GUCY2D: variants seen among roughly 807,000 people sequenced by gnomAD.
The protein encoded by GUCY2D is guanylate cyclase 2D, retinal, also known as retinal guanylyl cyclase 1.
A neutral mutation model predicts 101.3 loss-of-function variants in GUCY2D; 70 were observed. That is an observed-to-expected ratio of 0.69 (90% CI 0.57 to 0.84). The LOEUF is 0.84. Ranked by LOEUF, GUCY2D falls within the 40% of genes least tolerant of loss-of-function variation. GUCY2D has a pLI of 0.00. For missense variants in GUCY2D, 1,460 were observed against 1,542.5 expected (o/e 0.95, Z 0.90); for synonymous variants, 688 against 670.7 (o/e 1.03, Z -0.40).
At chr17:8,012,896 G>T (rs1975884105) in intron 10 of GUCY2D, among the ~76,000 whole-genome samples, 1 of 152,174 alleles carries the variant, frequency 6.6e-6, no homozygotes, top group African/African-American at 2.4e-5. Context: ...GCCTTCCCTG[G>T]GCACCACCTT....
chr17:8,008,942 A>C (rs1975796628), intron 7 of GUCY2D, among the ~76,000 whole-genome samples: 1 of 152,248 alleles, frequency 6.6e-6, no homozygotes, highest in Non-Finnish European at 1.5e-5. Context: ...ATCCAGGGCA[A>C]GATAGAAATG....
rs1241660703 is a variant in GUCY2D, at chr17:8,003,541, T to TGACCCCCGCCGC, written c.496_507dup (p.Thr166_Ala169dup). 1.9e-6 allele frequency: 3 copies of TGACCCCCGCCGC among 1,552,118 alleles called. No individual in the cohort carries two copies. The highest frequency in any genetic ancestry group is 1.7e-6 in the Non-Finnish European group (2 of 1,156,576). On this transcript the variant is annotated inframe_insertion, in exon 2 of 20. Transcript: ENST00000254854. ...GCGGAGGGCACCACGGCCCCTGCCG[T>TGACCCCCGCCGC]GACCCCCGCCGCGGATGCCCTCTAC...
chr17:8,003,402 G>A lies in GUCY2D; in HGVS notation c.355G>A (p.Ala119Thr). Residue 119 changes from alanine (A) to threonine (T), a missense_variant, in exon 2 of 20, where the codon GCC becomes ACC. Around this residue, in one of 3 missense-constraint regions of GUCY2D, gnomAD observed 1,196 missense variants for 1,229.6 expected, o/e 0.97. Coordinates refer to ENST00000254854, the MANE Select transcript of GUCY2D (RefSeq NM_000180.4). ...GCTGGGGGCCGTGTCCTCCGCGCTG[G>A]CCCGCGTGTCGGGCCTCGTGGGTCC... Reference protein sequence around the residue: ...GSLGAVSSALARVSGLVGPVN... With the variant: ...GSLGAVSSALTRVSGLVGPVN... The A allele has an allele frequency of 6.7e-7, 1 of 1,493,544 alleles. No individual in the cohort carries two copies. 92.5% of individuals were successfully genotyped at this position (1,493,544 alleles called of 1,614,324 possible). A position where few individuals can be genotyped will look rare whatever the true frequency, so the allele number is the denominator to read the frequency against.
At position 8,015,436 on chromosome 17, in the gene GUCY2D, G is replaced by A. The variant is rs781010216; in HGVS notation, c.2878G>A (p.Val960Met). Reference sequence around the variant, plus strand: ...CATGTCACTGGACATCCTCAGTGCCGTGGGCACTTTCCGCATGCGCCATAT... The same window carrying A: ...CATGTCACTGGACATCCTCAGTGCCATGGGCACTTTCCGCATGCGCCATAT... ...ANMSLDILSA[V>M]GTFRMRHMPE... Residue 960 changes from valine (V) to methionine (M), a missense_variant, in exon 15 of 20, where the codon GTG (valine) becomes ATG (methionine). By Grantham distance (21) the Val-to-Met change is conservative (BLOSUM62 1). Transcript: ENST00000254854. The A allele has an allele frequency of 6.2e-6, 10 of 1,612,768 alleles. No individual in the cohort carries two copies. The East Asian group carries it at 6.7e-5, about 11-fold the overall frequency.
At position 8,016,223 on chromosome 17, in the gene GUCY2D, A is replaced by G. The variant is rs1283435621; in HGVS notation, c.3157A>G (p.Thr1053Ala). Residue 1053 changes from threonine (T) to alanine (A), a missense_variant, in exon 18 of 20, where the codon ACT (threonine) becomes GCT (alanine). This residue lies in a region of GUCY2D where 215 missense variants were observed against 227.9 expected (regional missense o/e 0.94). Coordinates refer to ENST00000254854, the MANE Select transcript of GUCY2D (RefSeq NM_000180.4). The part of the protein sequence containing the change: ...TELKGKGAED[T>A]FWLVGRRGFN... ...TCCCCAGGGCAAGGGCGCCGAGGAC[A>G]CTTTCTGGCTAGTGGGCAGACGCGG... The G allele has an allele frequency of 6.3e-7, 1 of 1,590,976 alleles. No individual in the cohort carries two copies. The highest frequency in any genetic ancestry group is 1.1e-5 in the South Asian group (1 of 87,224).
chr17:8,006,728 C>T lies in GUCY2D; in HGVS notation c.1378+14C>T. ...TCTGCGGTGGAGGTGAGGGCGAGCA[C>T]CCCAGTCCCCACTGAGACAATCGCC... is the stretch of plus-strand genomic sequence containing the variant. On this transcript the variant is annotated intron_variant, in intron 4 of 19. Coordinates refer to ENST00000254854, the MANE Select transcript of GUCY2D (RefSeq NM_000180.4). The T allele has an allele frequency of 6.4e-7, 1 of 1,573,142 alleles. No homozygotes were observed. Among genetic ancestry groups the T allele is most frequent in the Non-Finnish European group, 8.7e-7 (1 of 1,153,478 alleles).
At chr17:8,007,870 C>T in intron 6 of GUCY2D, 61 bp from the exon 7 acceptor site, 2 of 1,069,384 alleles carry the variant, frequency 1.9e-6, no homozygotes, top group Non-Finnish European at 2.9e-6. Context: ...AGCCTGACCT[C>T]AACCCAGGAC....
rs1329345247 is a variant in GUCY2D at position 8,015,453 on chromosome 17, G to A, written c.2895G>A (p.Met965Ile). The A allele has an allele frequency of 1.2e-6, 2 of 1,613,816 alleles. No homozygotes were observed. Among genetic ancestry groups the A allele is most frequent in the Admixed American group, 1.7e-5 (1 of 60,028 alleles). The change falls in exon 15 of 20, where the codon ATG becomes ATA. Residue 965 changes from methionine to isoleucine, a missense_variant. Met to Ile is a conservative substitution (Grantham distance 10, BLOSUM62 1). Around this residue, in one of 3 missense-constraint regions of GUCY2D, gnomAD observed 215 missense variants for 227.9 expected, o/e 0.94. Coordinates refer to ENST00000254854, the MANE Select transcript of GUCY2D (RefSeq NM_000180.4). ...DILSAVGTFR[M>I]RHMPEVPVRI... is the part of the protein sequence containing the mutation. ...TCAGTGCCGTGGGCACTTTCCGCATGCGCCATATGCCTGAGGTTCCCGTGC... is the reference window on the plus strand; with the variant it reads ...TCAGTGCCGTGGGCACTTTCCGCATACGCCATATGCCTGAGGTTCCCGTGC...
chr17:8,007,204 C>G, intron 5 of GUCY2D, 60 bp downstream of exon 5: 1 of 1,292,370 alleles, frequency 7.7e-7, no homozygotes, highest in East Asian at 2.3e-5. Flanking sequence ...AAGTCTGCAG[C>G]AAAAACAGCA....
Position 8,003,068 on chromosome 17 carries a change from A to G in GUCY2D, c.21A>G (p.Arg7=). 6.6e-7 allele frequency: 1 copy of G among 1,525,974 alleles called. No homozygotes were observed. The highest frequency in any genetic ancestry group is 8.7e-7 in the Non-Finnish European group (1 of 1,143,090). 94.5% of individuals were successfully genotyped at this position (1,525,974 alleles called of 1,614,324 possible). The change falls in exon 2 of 20, where the codon CGA becomes CGG. Residue 7 remains arginine (R), a synonymous_variant. Coordinates refer to ENST00000254854, the MANE Select transcript of GUCY2D (RefSeq NM_000180.4). MTACAR[R]AGGLPDPGLC... ...CGGCAATGACCGCCTGCGCCCGCCG[A>G]GCGGGTGGGCTTCCGGACCCCGGGC...
rs903429870 is a variant in GUCY2D at position 8,011,022 on chromosome 17, G to A, written c.1750-1122G>A. Among the ~76,000 whole-genome samples the A allele has an allele frequency of 6.6e-5, 10 of 152,108 alleles. No individual in the cohort carries two copies. Among genetic ancestry groups the A allele is most frequent in the African/African-American group, 2.2e-4 (9 of 41,494 alleles). ...GACCCGACTGACACAATGACGTAAC[G>A]CCAAGCAGAGCAGCCCCCGGCCAGG... On this transcript the variant is annotated intron_variant, in intron 8 of 19. Transcript: ENST00000254854. The surrounding 1 kb of genome is among the most constrained non-coding windows in gnomAD (Gnocchi z 4.3).
At chr17:8,005,259 A>G (rs1451096575) in intron 3 of GUCY2D, among the ~76,000 whole-genome samples, 1 of 152,158 alleles carries the variant, frequency 6.6e-6, no homozygotes, top group East Asian at 1.9e-4. Context: ...CCCAAATCCC[A>G]AAACATAATC....
At chr17:8,006,336 C>A in intron 3 of GUCY2D, 27 bp from the exon 4 acceptor site, 2 of 1,567,724 alleles carry the variant, frequency 1.3e-6, no homozygotes, top group Non-Finnish European at 1.7e-6. Flanking sequence ...TGACCCCGAC[C>A]TCTGAGCCCC....
Position 8,012,598 on chromosome 17 carries a change from G to A in GUCY2D, c.2105G>A (p.Arg702Lys), listed in dbSNP as rs1375409540. The A allele has an allele frequency of 6.2e-7, 1 of 1,613,048 alleles. No homozygotes were observed. The highest frequency in any genetic ancestry group is 1.3e-5 in the African/African-American group (1 of 74,918). Residue 702 changes from arginine (R) to lysine (K), a missense_variant, in exon 10 of 20, where the codon AGA becomes AAA. By Grantham distance (26) the Arg-to-Lys change is conservative. Coordinates refer to ENST00000254854, the MANE Select transcript of GUCY2D (RefSeq NM_000180.4). ...CAGAAGGTGCTACCGGAGCCTCCCA[G>A]AGCGGAGGGTAAGAGTCCCCTGTGC... is the stretch of plus-strand genomic sequence containing the variant. ...EAQKVLPEPP[R>K]AEDQLWTAPE...
chr17:8,004,049 G>GCCGT lies in GUCY2D; in HGVS notation c.920_923dup (p.Leu309ArgfsTer11), dbSNP rs746150760. On this transcript the variant is annotated frameshift_variant, in exon 3 of 20. Transcript: ENST00000254854. LOFTEE classifies it high-confidence loss of function. The stretch of plus-strand genomic sequence containing the variant: ...CTCCCAGCTTCGCAGGGCCCACGAT[G>GCCGT]CCGTGCTCACCCTCACGCGCCACTG... 1 of 1,609,958 alleles carries GCCGT rather than the reference G, an allele frequency of 6.2e-7. No individual in the cohort carries two copies. Among genetic ancestry groups the GCCGT allele is most frequent in the Admixed American group, 1.7e-5 (1 of 60,018 alleles).
chr17:8,015,511 C>G lies in GUCY2D; in HGVS notation c.2944+9C>G. 6.2e-7 allele frequency: 1 copy of G among 1,607,750 alleles called. No individual in the cohort carries two copies. Among genetic ancestry groups the G allele is most frequent in the Non-Finnish European group, 8.5e-7 (1 of 1,177,416 alleles). On this transcript the variant is annotated intron_variant, in intron 15 of 19. Transcript: ENST00000254854. Reference sequence around the variant, plus strand: ...CATAGGCCTGCACTCGGGTAACTCCCGGGTCTTCCCAGGCTCCAGCCCATC... The same window carrying G: ...CATAGGCCTGCACTCGGGTAACTCCGGGGTCTTCCCAGGCTCCAGCCCATC...
intron 8 of GUCY2D, 48 bp from the exon 9 acceptor site, chr17:8,012,096 C>T (rs758113854): frequency 7.5e-7 from 1 of 1,333,230 alleles, no homozygotes; most frequent in South Asian, 1.2e-5. Flanking sequence ...CAGCCCCTTC[C>T]CCACATTGCC....
Position 8,016,222 on chromosome 17 carries a change from C to T in GUCY2D, c.3156C>T (p.Asp1052=), listed in dbSNP as rs760105515. 1.9e-6 allele frequency: 3 copies of T among 1,590,882 alleles called. No homozygotes were observed. The highest frequency in any genetic ancestry group is 2.3e-5 in the East Asian group (1 of 44,050). ...CTCCCCAGGGCAAGGGCGCCGAGGA[C>T]ACTTTCTGGCTAGTGGGCAGACGCG... ...RTELKGKGAE[D]TFWLVGRRGF... The change falls in exon 18 of 20, where the codon GAC becomes GAT. Residue 1052 remains aspartate (D), a synonymous_variant. Coordinates refer to ENST00000254854, the MANE Select transcript of GUCY2D (RefSeq NM_000180.4).
rs1975686416 is a variant in GUCY2D, at chr17:8,003,847, C to T, written c.722-5C>T. On this transcript the variant is annotated splice_polypyrimidine_tract_variant and splice_region_variant and intron_variant, in intron 2 of 19. Coordinates refer to ENST00000254854, the MANE Select transcript of GUCY2D (RefSeq NM_000180.4). ...CGGCGCCGCGAGCCAAGCCTCTGTCCGCAGCAGTGATCATGGTGATGCACT... is the reference window on the plus strand; with the variant it reads ...CGGCGCCGCGAGCCAAGCCTCTGTCTGCAGCAGTGATCATGGTGATGCACT... The T allele has an allele frequency of 1.2e-6, 2 of 1,611,216 alleles. No homozygotes were observed. Among genetic ancestry groups the T allele is most frequent in the South Asian group, 1.1e-5 (1 of 91,026 alleles).
Sources: allele counts gnomAD v4.1 joint callset (sites outside exome capture counted in the v4.1 genomes callset), GRCh38; gene constraint gnomAD v4.1.1; regional missense constraint gnomAD v4.1.1; non-coding constraint Gnocchi (gnomAD v3.1); transcripts MANE v1.5; gene names NCBI Gene and HGNC (gene_info 2026-07-23, HGNC 2026-07-21).